The following CDH12 variants were observed in gnomAD, a reference collection of about 807,000 sequenced individuals.
CDH12 encodes the protein cadherin-12.
CDH12 carries 41 observed loss-of-function variants against 74.1 expected under a neutral mutation model. The observed-to-expected ratio is 0.55, with a 90% CI of 0.43 to 0.72. The LOEUF (loss-of-function observed/expected upper bound fraction) is 0.72, where lower values mean the gene tolerates loss of function less well. CDH12 is among the 30% of genes least tolerant of loss of function. CDH12 has a pLI of 0.00. For synonymous variants in CDH12, 399 were observed against 355.0 expected (o/e 1.12, Z -1.39); for missense variants, 945 against 977.2 (o/e 0.97, Z 0.44).
At chr5:22,747,596 T>G (rs1745359640) in intron 1 of CDH12, among the ~76,000 whole-genome samples, 1 of 114,112 alleles carries the variant, frequency 8.8e-6, no homozygotes, top group Non-Finnish European at 1.7e-5. Context: ...GGTAACAGAG[T>G]GAGACGCTGC....
chr5:22,064,219 T>C (rs1390324285), intron 5 of CDH12, among the ~76,000 whole-genome samples: 3 of 152,174 alleles, frequency 2.0e-5, no homozygotes, highest in Non-Finnish European at 4.4e-5. Context: ...TTTTTGTACC[T>C]GTAGGTTCCA....
At position 21,995,378 on chromosome 5, in the gene CDH12, A is replaced by G. The variant is rs1319415352; in HGVS notation, c.232-19993T>C. ...AAATGAAACGTGGTGTGTACTTCCT[A>G]CTGATGCGTCAGGGTATAGGCCTCT... On this transcript the variant is annotated intron_variant, in intron 5 of 14. Transcript: ENST00000382254. Among the ~76,000 whole-genome samples, 5 of 151,830 alleles carry G rather than the reference A, an allele frequency of 3.3e-5. No homozygotes were observed. In the East Asian group the frequency reaches 9.7e-4, roughly 29 times the overall value.
At chr5:22,118,010 GA>G (rs1745275467) in intron 4 of CDH12, among the ~76,000 whole-genome samples, 3 of 152,024 alleles carry the variant, frequency 2.0e-5, no homozygotes, top group African/African-American at 7.2e-5. Context: ...AGAAAATGGT[GA>G]AAAAATAATA....
At chr5:22,583,875 T>C (rs1018255801) in intron 1 of CDH12, among the ~76,000 whole-genome samples, 3 of 152,134 alleles carry the variant, frequency 2.0e-5, no homozygotes, top group East Asian at 3.9e-4. Flanking sequence ...AACTAATTTA[T>C]TATTCATGAA....
chr5:22,717,687 T>G (rs1329815852), intron 1 of CDH12, among the ~76,000 whole-genome samples: 4 of 152,184 alleles, frequency 2.6e-5, no homozygotes, highest in Admixed American at 1.3e-4. Context: ...GAATGAATAC[T>G]TAGACTATGT....
intron 1 of CDH12, among the ~76,000 whole-genome samples, chr5:22,603,472 C>T (rs1188434330): frequency 6.6e-6 from 1 of 152,144 alleles, no homozygotes; most frequent in African/African-American, 2.4e-5. Flanking sequence ...TATATGTACA[C>T]ACACGTAGCT....
At chr5:21,891,859 A>AGAAG (rs932139128) in intron 6 of CDH12, among the ~76,000 whole-genome samples, 13 of 152,208 alleles carry the variant, frequency 8.5e-5, no homozygotes, top group South Asian at 2.1e-4. Context: ...AAACTTCAAA[A>AGAAG]GAAGGAAGGA....
intron 4 of CDH12, among the ~76,000 whole-genome samples, chr5:22,127,883 A>G (rs1002801261): frequency 7.9e-5 from 12 of 152,104 alleles, no homozygotes; most frequent in African/African-American, 2.6e-4. Context: ...TATGTGTCTG[A>G]ATATTGGTTT....
chr5:22,386,369 T>C (rs1422677477), intron 3 of CDH12, among the ~76,000 whole-genome samples: 1 of 152,172 alleles, frequency 6.6e-6, no homozygotes, highest in Non-Finnish European at 1.5e-5. Flanking sequence ...CATTGCCTAA[T>C]AACATTAACC....
At chr5:22,824,223 G>A (rs1009923346) in intron 1 of CDH12, among the ~76,000 whole-genome samples, 2 of 152,068 alleles carry the variant, frequency 1.3e-5, no homozygotes, top group African/African-American at 4.8e-5. Context: ...AGTAGTAATG[G>A]TGAAACAAAG....
At chr5:22,411,008 A>G (rs962475848) in intron 2 of CDH12, among the ~76,000 whole-genome samples, 10 of 152,024 alleles carry the variant, frequency 6.6e-5, no homozygotes, top group African/African-American at 2.4e-4. Context: ...AATTTAGAGG[A>G]AAAAGAACAT....
intron 5 of CDH12, among the ~76,000 whole-genome samples, chr5:22,077,811 T>C (rs1227322753): frequency 6.6e-6 from 1 of 152,170 alleles, no homozygotes; most frequent in Admixed American, 6.6e-5. Flanking sequence ...TTAAATTGCA[T>C]GCTCTGTTGA....
intron 4 of CDH12, among the ~76,000 whole-genome samples, chr5:22,211,565 G>A (rs1751544464): frequency 6.6e-6 from 1 of 151,752 alleles, no homozygotes; most frequent in Non-Finnish European, 1.5e-5. Context: ...AAAAGAAAAA[G>A]TTCAGGTAAT....
At chr5:22,809,566 T>G (rs1299899664) in intron 1 of CDH12, among the ~76,000 whole-genome samples, 1 of 151,842 alleles carries the variant, frequency 6.6e-6, no homozygotes, top group Admixed American at 6.6e-5. Flanking sequence ...ATGGGCAGGC[T>G]TATCTGGATA....
chr5:21,865,800 C>A (rs568671388), intron 6 of CDH12, among the ~76,000 whole-genome samples: 2 of 152,240 alleles, frequency 1.3e-5, no homozygotes, highest in South Asian at 4.1e-4. Flanking sequence ...GTCACAAGGG[C>A]AAACTCACCC....
rs188853717 is a variant in CDH12, at chr5:22,116,589, A to G, written c.-186-37727T>C. ...CAATGCACTCCAGCCTGGGTGACAGAGCAAGACTCTGTTTCAAAGAAAAAA... is the reference window on the plus strand; with the variant it reads ...CAATGCACTCCAGCCTGGGTGACAGGGCAAGACTCTGTTTCAAAGAAAAAA... On this transcript the variant is annotated intron_variant, in intron 4 of 14. Coordinates refer to ENST00000382254, the MANE Select transcript of CDH12 (RefSeq NM_004061.5). 2.6e-3 allele frequency among the ~76,000 whole-genome samples: 388 copies of G among 151,700 alleles called. 4 individuals carry two copies. Among genetic ancestry groups the G allele is most frequent in the African/African-American group, 8.8e-3 (366 of 41,380 alleles).
intron 1 of CDH12, among the ~76,000 whole-genome samples, chr5:22,779,588 C>T (rs10060727): frequency 0.015 from 2,215 of 152,208 alleles, 53 homozygotes; most frequent in African/African-American, 0.05. Context: ...GAGGGAGGGA[C>T]CTAGTAGAGG....
chr5:22,405,345 A>T lies in CDH12; in HGVS notation c.-421T>A. The T allele has an allele frequency of 3.2e-6, 3 of 951,700 alleles. No individual in the cohort carries two copies. Among genetic ancestry groups the T allele is most frequent in the Non-Finnish European group, 3.8e-6 (3 of 799,146 alleles). The allele number at this position is 951,700 out of a possible 1,614,324, so 59.0% of individuals were successfully genotyped here. ...GTAACTTGATTCTATAGCACTGGAC[A>T]TCAAAGCTGAAAAATATGTAAAGAA... On this transcript the variant is annotated 5_prime_UTR_variant, in exon 3 of 15. An upstream start codon of the reference 5' UTR is lost. Coordinates refer to ENST00000382254, the MANE Select transcript of CDH12 (RefSeq NM_004061.5).
intron 1 of CDH12, among the ~76,000 whole-genome samples, chr5:22,517,606 T>C (rs904946458): frequency 2.0e-5 from 3 of 152,192 alleles, no homozygotes; most frequent in African/African-American, 7.2e-5. Context: ...TACAATCTTA[T>C]TGGTTCTGTT....
Sources: allele counts gnomAD v4.1 joint callset (sites outside exome capture counted in the v4.1 genomes callset), GRCh38; gene constraint gnomAD v4.1.1; transcripts MANE v1.5; gene names NCBI Gene and HGNC (gene_info 2026-07-23, HGNC 2026-07-21).